Variants in KYAT1 observed in about 807,000 individuals in gnomAD.
KYAT1 encodes kynurenine--oxoglutarate transaminase 1.
A neutral mutation model predicts 52.4 loss-of-function variants in KYAT1; 47 were observed. The ratio of observed to expected loss-of-function variants is 0.90; its 90% confidence interval spans 0.71 to 1.14. The LOEUF is 1.14. Among genes scored for constraint, KYAT1 ranks in the 50% most tolerant of loss-of-function variants. The pLI, the probability that KYAT1 is intolerant of heterozygous loss-of-function variation, is 0.00. For synonymous variants in KYAT1, 212 were observed against 209.6 expected (o/e 1.01, Z -0.10); for missense variants, 480 against 557.9 (o/e 0.86, Z 1.41).
intron 1 of KYAT1, among the ~76,000 whole-genome samples, chr9:128,853,420 G>A (rs982836608): frequency 6.6e-6 from 1 of 152,170 alleles, no homozygotes; most frequent in Non-Finnish European, 1.5e-5. Context: ...TCAGCTCAAA[G>A]AGCAGAGTTG....
upstream of KYAT1, chr9:128,882,375 C>T (rs1317874670): frequency 4.4e-6 from 1 of 227,074 alleles, no homozygotes; most frequent in African/African-American, 2.3e-5. Flanking sequence ...CCGGGCCGGC[C>T]CCCTGGGGAC....
In KYAT1 at chr9:128,859,385, C is replaced by T. The variant is rs150777690; in HGVS notation, c.-6-13974G>A. Among the ~76,000 whole-genome samples, 668 of 151,782 alleles carry T rather than the reference C, an allele frequency of 4.4e-3. 4 individuals are homozygous for T. The highest frequency in any genetic ancestry group is 0.014 in the African/African-American group (591 of 41,394). ...CAACAACAAAAAAAAAAGTTACTCT[C>T]AGCTGGGTGCAGTGGCTCCTGCCTG... On this transcript the variant is annotated intron_variant, in intron 1 of 12. Coordinates refer to ENST00000302586, the MANE Select transcript of KYAT1 (RefSeq NM_004059.5).
At chr9:128,871,046 G>A (rs1837159108) in intron 1 of KYAT1, among the ~76,000 whole-genome samples, 1 of 152,134 alleles carries the variant, frequency 6.6e-6, no homozygotes. Flanking sequence ...GCTGGCCGCG[G>A]TGACTCACAC....
intron 2 of KYAT1, among the ~76,000 whole-genome samples, chr9:128,843,649 T>C (rs1487688929): frequency 6.6e-6 from 1 of 152,146 alleles, no homozygotes; most frequent in East Asian, 1.9e-4. Flanking sequence ...CTCAAAGTGC[T>C]AGCAGTACAG....
intron 1 of KYAT1, among the ~76,000 whole-genome samples, chr9:128,866,005 C>T (rs1364632877): frequency 6.6e-6 from 1 of 152,188 alleles, no homozygotes; most frequent in Non-Finnish European, 1.5e-5. Flanking sequence ...AGATTCTCTT[C>T]TGTTCATCTT....
intron 3 of KYAT1, among the ~76,000 whole-genome samples, chr9:128,839,269 C>A (rs1007191292): frequency 2.6e-5 from 4 of 152,026 alleles, no homozygotes; most frequent in African/African-American, 7.2e-5. Flanking sequence ...TGGCCTGATG[C>A]CCACTATTTG....
intron 1 of KYAT1, among the ~76,000 whole-genome samples, chr9:128,879,495 G>C (rs554207474): frequency 3.9e-5 from 6 of 152,266 alleles, no homozygotes; most frequent in South Asian, 2.1e-4. Context: ...GGAGAGGTTA[G>C]TGTGGCGTTC....
At chr9:128,878,709 C>T (rs551497238) in intron 1 of KYAT1, among the ~76,000 whole-genome samples, 6 of 152,186 alleles carry the variant, frequency 3.9e-5, no homozygotes, top group South Asian at 4.1e-4. Flanking sequence ...GGAGTCCAGA[C>T]GGCAGGTTTA....
rs370088270 is a variant in KYAT1 at position 128,835,590 on chromosome 9, C to T, written c.933G>A (p.Gln311=). 10 of 1,612,982 alleles carry T rather than the reference C, an allele frequency of 6.2e-6. No homozygotes were observed. Among genetic ancestry groups the T allele is most frequent in the Non-Finnish European group, 8.5e-6 (10 of 1,180,044 alleles). Reference sequence around the variant, plus strand: ...TGTGGTCACGGCAGCGCTGCATGGCCTGCGGGAACTGCACAAAGTAGCTGC... The same window carrying T: ...TGTGGTCACGGCAGCGCTGCATGGCTTGCGGGAACTGCACAAAGTAGCTGC... ...QPSSYFVQFP[Q]AMQRCRDHMI... is the part of the protein sequence containing the mutation. The change falls in exon 10 of 13, where the codon CAG becomes CAA. Residue 311 remains glutamine (Q), a synonymous_variant. Transcript: ENST00000302586.
intron 1 of KYAT1, among the ~76,000 whole-genome samples, chr9:128,859,327 C>G (rs1462491943): frequency 6.6e-6 from 1 of 151,694 alleles, no homozygotes; most frequent in Admixed American, 6.6e-5. Flanking sequence ...CGCCACTGCA[C>G]TCCAGCCTGG....
chr9:128,865,359 ATTTTT>A (rs776787253), intron 1 of KYAT1, among the ~76,000 whole-genome samples: 2 of 27,306 alleles, frequency 7.3e-5, no homozygotes, highest in African/African-American at 6.8e-4. Flanking sequence ...ATATATATAT[ATTTTT>A]TTTTTTTTTT....
intron 1 of KYAT1, among the ~76,000 whole-genome samples, chr9:128,854,809 C>T (rs1339363750): frequency 6.6e-6 from 1 of 151,936 alleles, no homozygotes; most frequent in Admixed American, 6.6e-5. Context: ...CACAGATGAC[C>T]GCGGCCCTGC....
intron 2 of KYAT1, among the ~76,000 whole-genome samples, chr9:128,844,695 G>A (rs990998857): frequency 2.1e-5 from 3 of 145,666 alleles, no homozygotes; most frequent in African/African-American, 7.7e-5. Context: ...GTCTTGCGGG[G>A]GAAAAGAAAA....
At chr9:128,866,241 C>T (rs764597518) in intron 1 of KYAT1, among the ~76,000 whole-genome samples, 6 of 152,074 alleles carry the variant, frequency 3.9e-5, no homozygotes, top group Non-Finnish European at 7.4e-5. Context: ...TTGTATAAAT[C>T]GACAACAAAA....
chr9:128,835,790 T>C lies in KYAT1; in HGVS notation c.844A>G (p.Thr282Ala). Residue 282 changes from threonine (T) to alanine (A), a missense_variant, in exon 9 of 13, where the codon ACG becomes GCG. Physicochemically the swap from Thr to Ala is moderately conservative, Grantham distance 58 (BLOSUM62 0). Coordinates refer to ENST00000302586, the MANE Select transcript of KYAT1 (RefSeq NM_004059.5). ...VHQNSVFHCP[T>A]QSQAAVAESF... ...CTGCCCCTCTTCACCTGGCTCTGCG[T>C]GGGGCAGTGGAAGACGGAGTTCTGG... 1 of 1,613,084 alleles carries C rather than the reference T, an allele frequency of 6.2e-7. No homozygotes were observed. The highest frequency in any genetic ancestry group is 1.7e-5 in the Admixed American group (1 of 59,890).
chr9:128,836,899 C>T lies in KYAT1; in HGVS notation c.591G>A (p.Glu197=), dbSNP rs769535471. ...LGKVFSREEL[E]LVASLCQQHD... is the part of the protein sequence containing the mutation. ...GCTGCTGGCAAAGGCTGGCCACCAG[C>T]TCCAGCTCTTCCCTGGAGAACACCT... The change falls in exon 7 of 13, where the codon GAG becomes GAA. Residue 197 remains glutamate, a synonymous_variant. Coordinates refer to ENST00000302586, the MANE Select transcript of KYAT1 (RefSeq NM_004059.5). 98 of 1,613,422 alleles carry T rather than the reference C, an allele frequency of 6.1e-5. No individual in the cohort carries two copies. The highest frequency in any genetic ancestry group is 8.1e-5 in the Non-Finnish European group (96 of 1,179,956).
chr9:128,867,323 G>A (rs1836540453), intron 1 of KYAT1, among the ~76,000 whole-genome samples: 1 of 152,072 alleles, frequency 6.6e-6, no homozygotes, highest in African/African-American at 2.4e-5. Flanking sequence ...GGGACCACAT[G>A]TGCACGCCAC....
chr9:128,874,368 G>A (rs1270853891), intron 1 of KYAT1, among the ~76,000 whole-genome samples: 1 of 151,830 alleles, frequency 6.6e-6, no homozygotes, highest in African/African-American at 2.4e-5. Flanking sequence ...CTGGAGTGCA[G>A]TGGTGTGATC....
chr9:128,859,425 T>C (rs1366264100), intron 1 of KYAT1, among the ~76,000 whole-genome samples: 1 of 151,722 alleles, frequency 6.6e-6, no homozygotes, highest in East Asian at 2.0e-4. Context: ...CCCAGCACTT[T>C]GGGAGGCTGA....
Sources: allele counts gnomAD v4.1 joint callset (sites outside exome capture counted in the v4.1 genomes callset), GRCh38; gene constraint gnomAD v4.1.1; transcripts MANE v1.5; gene names NCBI Gene and HGNC (gene_info 2026-07-23, HGNC 2026-07-21).